CHD9: variants seen among roughly 807,000 people sequenced by gnomAD.
CHD9 encodes the protein chromodomain helicase DNA binding protein 9.
In CHD9, 77 loss-of-function variants were observed where a neutral mutation model predicts 316.1. That is an observed-to-expected ratio of 0.24 (90% confidence interval 0.20 to 0.29). The LOEUF (loss-of-function observed/expected upper bound fraction) is 0.29. Among genes scored for constraint, CHD9 ranks in the 10% least tolerant of loss-of-function variants. CHD9 has a pLI of 1.00. For missense variants in CHD9, 2,763 were observed against 3,438.1 expected, an observed-to-expected ratio of 0.80 and a Z score of 4.91; for synonymous variants, 1,129 against 1,158.3, an observed-to-expected ratio of 0.97 and a Z score of 0.51.
chr16:53,162,315 T>C (rs1210900929), intron 2 of CHD9, among the ~76,000 whole-genome samples: 3 of 152,208 alleles, frequency 2.0e-5, no homozygotes, highest in Non-Finnish European at 4.4e-5. Flanking sequence ...TTTCCAAATG[T>C]AAGTATGTAC....
intron 2 of CHD9, among the ~76,000 whole-genome samples, chr16:53,193,917 G>C (rs1301934330): frequency 1.3e-5 from 2 of 152,086 alleles, no homozygotes; most frequent in Non-Finnish European, 2.9e-5. Context: ...ATATACTATA[G>C]TAATATTACT....
At chr16:53,128,744 A>G (rs929013128) in intron 1 of CHD9, among the ~76,000 whole-genome samples, 1 of 152,218 alleles carries the variant, frequency 6.6e-6, no homozygotes, top group African/African-American at 2.4e-5. Context: ...GTTACTGAGA[A>G]TACCTCCAAA....
chr16:53,161,141 C>G (rs753139433), intron 2 of CHD9, among the ~76,000 whole-genome samples: 3 of 152,074 alleles, frequency 2.0e-5, no homozygotes, highest in Non-Finnish European at 4.4e-5. Flanking sequence ...CCTATTACTT[C>G]TTAGTTTAAA....
chr16:53,307,585 G>C lies in CHD9; in HGVS notation c.6781-96G>C, dbSNP rs1406225393. On this transcript the variant is annotated intron_variant, in intron 32 of 38. Coordinates refer to ENST00000447540, the MANE Select transcript of CHD9 (RefSeq NM_001308319.2). ...TATGCATAGCACATACACATATGTT[G>C]AACTAGGGTTAAATCCATAGACTCT... The C allele has an allele frequency of 4.5e-6, 5 of 1,101,402 alleles. No individual in the cohort carries two copies. In the Admixed American group the frequency reaches 1.4e-4, roughly 30 times the overall value. The allele number at this position is 1,101,402 out of a possible 1,614,324, so 68.2% of individuals were successfully genotyped here. A position where few individuals can be genotyped will look rare whatever the true frequency, so the allele number is the denominator to read the frequency against.
At chr16:53,207,689 A>G (rs2045991104) in intron 2 of CHD9, among the ~76,000 whole-genome samples, 1 of 151,940 alleles carries the variant, frequency 6.6e-6, no homozygotes, top group East Asian at 1.9e-4. Flanking sequence ...ATCTTGGAGA[A>G]AAGTATTTTT....
At chr16:53,058,133 T>G (rs1190447765) in intron 1 of CHD9, among the ~76,000 whole-genome samples, 2 of 152,180 alleles carry the variant, frequency 1.3e-5, no homozygotes, top group African/African-American at 4.8e-5. Flanking sequence ...TTGTTTTTGT[T>G]TTTTTGAGAT....
At chr16:53,098,852 T>G (rs1292801529) in intron 1 of CHD9, among the ~76,000 whole-genome samples, 6 of 152,202 alleles carry the variant, frequency 3.9e-5, no homozygotes, top group Non-Finnish European at 2.9e-5. Context: ...ATTAGATAAA[T>G]GCAGAAATCA....
Position 53,084,460 on chromosome 16 carries a change from C to T in CHD9, c.-165+29383C>T, listed in dbSNP as rs200582134. Among the ~76,000 whole-genome samples, 6 of 152,210 alleles carry T rather than the reference C, an allele frequency of 3.9e-5. No individual in the cohort carries two copies. In the East Asian group the frequency reaches 1.2e-3, roughly 30 times the overall value. On this transcript the variant is annotated intron_variant, in intron 1 of 38. Transcript: ENST00000447540. ...ATACAGCATGATAAAATCACAGAAG[C>T]CTGGCAGGGTGCGGTGGCTCATGCC... is the stretch of plus-strand genomic sequence containing the variant.
chr16:53,296,216 T>A (rs11865438), intron 29 of CHD9, among the ~76,000 whole-genome samples: 42,291 of 151,966 alleles, frequency 0.28, 5,974 homozygotes, highest in Middle Eastern at 0.32. Flanking sequence ...CTCATACAAA[T>A]ATAAGGTATT....
chr16:53,313,398 C>T (rs374300898), intron 34 of CHD9, among the ~76,000 whole-genome samples: 8 of 152,106 alleles, frequency 5.3e-5, no homozygotes, highest in Admixed American at 1.3e-4. Context: ...CTCCGCCTCC[C>T]GGATTCAAGT....
At chr16:53,320,792 A>G (rs542103893) in intron 37 of CHD9, among the ~76,000 whole-genome samples, 1 of 152,150 alleles carries the variant, frequency 6.6e-6, no homozygotes, top group African/African-American at 2.4e-5. Context: ...GGTTAATTAT[A>G]CATACTTCAC....
Position 53,308,688 on chromosome 16 carries a change from A to T in CHD9, c.7056A>T (p.Glu2352Asp). The T allele has an allele frequency of 6.2e-7, 1 of 1,609,008 alleles. No individual in the cohort carries two copies. The highest frequency in any genetic ancestry group is 8.5e-7 in the Non-Finnish European group (1 of 1,176,344). ...TAATAATGGTATTTGTTTAACAGGA[A>T]GGTGGTTTGAAGTTGACATTTCAGA... ...EKEFTVKIKD[E>D]GGLKLTFQKQ... The change falls in exon 34 of 39, where the codon GAA (glutamate) becomes GAT (aspartate). Residue 2352 changes from glutamate to aspartate, a missense_variant and splice_region_variant. By Grantham distance (45) the Glu-to-Asp change is conservative (BLOSUM62 2). Coordinates refer to ENST00000447540, the MANE Select transcript of CHD9 (RefSeq NM_001308319.2).
At chr16:53,062,466 G>A (rs2033017928) in intron 1 of CHD9, among the ~76,000 whole-genome samples, 1 of 152,138 alleles carries the variant, frequency 6.6e-6, no homozygotes, top group Admixed American at 6.5e-5. Context: ...AATAGGCCAG[G>A]TGCAGTGGCT....
chr16:53,313,443 T>A (rs191885010), intron 34 of CHD9, among the ~76,000 whole-genome samples: 1 of 152,022 alleles, frequency 6.6e-6, no homozygotes, highest in Non-Finnish European at 1.5e-5. Context: ...GTAGCTCGTA[T>A]TACAGGTGCC....
rs563054232 is a variant in CHD9, at chr16:53,297,110, G to T, written c.5665G>T (p.Ala1889Ser). ...TDDSLEKYLY[A>S]FMSMCRRVCR... is the part of the protein sequence containing the mutation. ...TGATAGTTTGGAAAAATATTTGTAC[G>T]CATTCATGTCCATGTGTCGGAGGGT... The change falls in exon 30 of 39, where the codon GCA becomes TCA. Residue 1889 changes from alanine (A) to serine (S), a missense_variant. Transcript: ENST00000447540. The T allele has an allele frequency of 2.5e-6, 4 of 1,613,634 alleles. No homozygotes were observed. In the East Asian group the frequency reaches 6.7e-5, roughly 27 times the overall value.
chr16:53,083,739 C>T (rs1049597761), intron 1 of CHD9, among the ~76,000 whole-genome samples: 9 of 151,824 alleles, frequency 5.9e-5, no homozygotes, highest in South Asian at 2.1e-4. Flanking sequence ...CCCCACCCCC[C>T]GACTTCTTTG....
chr16:53,086,612 A>G (rs899907412), intron 1 of CHD9, among the ~76,000 whole-genome samples: 1 of 152,218 alleles, frequency 6.6e-6, no homozygotes, highest in Non-Finnish European at 1.5e-5. Flanking sequence ...TAAAATGAGG[A>G]AAAAAATCAT....
chr16:53,295,088 C>T (rs2054656877), intron 29 of CHD9, among the ~76,000 whole-genome samples: 1 of 152,184 alleles, frequency 6.6e-6, no homozygotes, highest in East Asian at 1.9e-4. Context: ...CACACTTAGC[C>T]CATCCCTCAG....
intron 1 of CHD9, among the ~76,000 whole-genome samples, chr16:53,134,690 CCTTT>C (rs1451716462): frequency 3.3e-5 from 5 of 152,136 alleles, no homozygotes; most frequent in Admixed American, 1.3e-4. Flanking sequence ...AATTTTTATT[CCTTT>C]CTTTTAGAAA....
Sources: allele counts gnomAD v4.1 joint callset (sites outside exome capture counted in the v4.1 genomes callset), GRCh38; gene constraint gnomAD v4.1.1; transcripts MANE v1.5; gene names NCBI Gene and HGNC (gene_info 2026-07-23, HGNC 2026-07-21).